The following ROBO1 variants were observed in gnomAD, a reference collection of about 807,000 sequenced individuals.
ROBO1 encodes the protein roundabout homolog 1.
In ROBO1, 149 loss-of-function variants were observed where a neutral mutation model predicts 195.9. The ratio of observed to expected loss-of-function variants is 0.76; its 90% CI spans 0.67 to 0.87. The LOEUF (loss-of-function observed/expected upper bound fraction) is 0.87, where lower values mean the gene tolerates loss of function less well. Ranked by LOEUF, ROBO1 falls within the 40% of genes least tolerant of loss-of-function variation. The pLI is 0.00. For synonymous variants in ROBO1, 816 were observed against 733.2 expected (o/e 1.11, Z -1.82); for missense variants, 1,933 against 2,068.3 (o/e 0.93, Z 1.27).
chr3:78,697,356 TA>T (rs1431891662), intron 8 of ROBO1, among the ~76,000 whole-genome samples: 4 of 152,280 alleles, frequency 2.6e-5, no homozygotes, highest in African/African-American at 9.6e-5. Flanking sequence ...AGAAAGATGA[TA>T]AATGTTTGGA....
At chr3:78,618,713 TTCTA>T (rs1186432526) in intron 26 of ROBO1, among the ~76,000 whole-genome samples, 4 of 152,236 alleles carry the variant, frequency 2.6e-5, no homozygotes, top group African/African-American at 7.2e-5. Context: ...TTTATTGTTA[TTCTA>T]TCTTTTTTAA....
intron 3 of ROBO1, chr3:79,019,058 CG>C: frequency 2.0e-6 from 2 of 989,300 alleles, no homozygotes; most frequent in Non-Finnish European, 2.4e-6. Flanking sequence ...AGCGAGGGGG[CG>C]GTGCGGCGAC....
chr3:79,220,337 A>T (rs2082116096), intron 2 of ROBO1, among the ~76,000 whole-genome samples: 1 of 152,010 alleles, frequency 6.6e-6, no homozygotes, highest in African/African-American at 2.4e-5. Context: ...CTCTGTCTCT[A>T]ATTTTCTTAG....
At chr3:79,484,904 C>G (rs376911870) in intron 2 of ROBO1, among the ~76,000 whole-genome samples, 1 of 151,710 alleles carries the variant, frequency 6.6e-6, no homozygotes, top group Non-Finnish European at 1.5e-5. Context: ...CAGGCGTGCA[C>G]CACCATGCCT....
chr3:79,149,665 C>G (rs2080725959), intron 2 of ROBO1, among the ~76,000 whole-genome samples: 1 of 151,696 alleles, frequency 6.6e-6, no homozygotes, highest in Admixed American at 6.6e-5. Flanking sequence ...GCATTCTATA[C>G]TCCTATAATT....
intron 2 of ROBO1, among the ~76,000 whole-genome samples, chr3:79,224,555 C>T (rs1439999401): frequency 6.6e-6 from 1 of 152,160 alleles, no homozygotes; most frequent in Non-Finnish European, 1.5e-5. Flanking sequence ...AATAAAGAGC[C>T]CACTTTACAA....
chr3:79,145,358 AATACACACACAC>A (rs141131515), intron 2 of ROBO1, among the ~76,000 whole-genome samples: 93,530 of 145,042 alleles, frequency 0.64, 29,347 homozygotes, highest in East Asian at 0.72. Context: ...TGATGCCAGA[AATACACACACAC>A]ATACACACAC....
chr3:79,728,212 C>G (rs969062047), intron 1 of ROBO1, among the ~76,000 whole-genome samples: 13 of 151,768 alleles, frequency 8.6e-5, no homozygotes, highest in African/African-American at 3.1e-4. Context: ...GTTCCTAGTA[C>G]TCCACTCTCT....
At chr3:79,230,120 C>A (rs2082294098) in intron 2 of ROBO1, among the ~76,000 whole-genome samples, 1 of 152,076 alleles carries the variant, frequency 6.6e-6, no homozygotes, top group Admixed American at 6.6e-5. Context: ...CCCCTCCAAT[C>A]CTCTGCACCT....
intron 11 of ROBO1, among the ~76,000 whole-genome samples, chr3:78,669,238 A>G (rs1299632830): frequency 2.0e-5 from 3 of 152,242 alleles, no homozygotes; most frequent in Non-Finnish European, 4.4e-5. Flanking sequence ...GCTCAAGCTA[A>G]TAACTATCTT....
At chr3:79,685,916 CA>C (rs536444915) in intron 1 of ROBO1, among the ~76,000 whole-genome samples, 1 of 151,966 alleles carries the variant, frequency 6.6e-6, no homozygotes, top group Non-Finnish European at 1.5e-5. Context: ...GAGACAACAA[CA>C]AAAAAAGAGA....
At chr3:79,094,422 G>A (rs773506629) in intron 3 of ROBO1, among the ~76,000 whole-genome samples, 5 of 152,084 alleles carry the variant, frequency 3.3e-5, no homozygotes, top group Non-Finnish European at 7.4e-5. Flanking sequence ...CAAATCATAA[G>A]TACTGCATGG....
chr3:79,025,061 T>C lies in ROBO1; in HGVS notation c.173-86134A>G, dbSNP rs141080817. On this transcript the variant is annotated intron_variant, in intron 3 of 30. Transcript: ENST00000464233. ...CTAACATGAGCTAGTCCCTCATACTTTCCTGACATCATCTCCCCCTACATT... is the reference window on the plus strand; with the variant it reads ...CTAACATGAGCTAGTCCCTCATACTCTCCTGACATCATCTCCCCCTACATT... Among the ~76,000 whole-genome samples the C allele has an allele frequency of 1.8e-4, 27 of 152,278 alleles. No individual in the cohort carries two copies. The East Asian group carries it at 3.9e-3, about 22-fold the overall frequency.
At chr3:79,760,241 A>AAAAAAAAC (rs1704619230) in intron 1 of ROBO1, among the ~76,000 whole-genome samples, 1 of 136,630 alleles carries the variant, frequency 7.3e-6, no homozygotes, top group South Asian at 2.5e-4. Context: ...TATCTCAAAA[A>AAAAAAAAC]AAAAAAAAAA....
intron 8 of ROBO1, among the ~76,000 whole-genome samples, chr3:78,700,929 A>G (rs753478579): frequency 2.0e-4 from 30 of 152,040 alleles, no homozygotes; most frequent in Non-Finnish European, 3.4e-4. Flanking sequence ...ACATCTGTCT[A>G]ATTTTTGTAC....
chr3:79,054,916 A>C (rs1036614223), intron 3 of ROBO1, among the ~76,000 whole-genome samples: 1 of 152,088 alleles, frequency 6.6e-6, no homozygotes, highest in Non-Finnish European at 1.5e-5. Flanking sequence ...AGCACAAACA[A>C]ATTTATCTAC....
At chr3:79,723,015 A>C (rs1702769310) in intron 1 of ROBO1, among the ~76,000 whole-genome samples, 2 of 152,204 alleles carry the variant, frequency 1.3e-5, no homozygotes, top group African/African-American at 2.4e-5. Context: ...CCAATATGCT[A>C]AATAGATAAT....
chr3:79,195,606 T>A lies in ROBO1; in HGVS notation c.89-70067A>T, dbSNP rs563368018. Among the ~76,000 whole-genome samples the A allele has an allele frequency of 3.3e-5, 5 of 151,692 alleles. No individual in the cohort carries two copies. The South Asian group carries it at 1.0e-3, about 31-fold the overall frequency. On this transcript the variant is annotated intron_variant, in intron 2 of 30. Coordinates refer to ENST00000464233, the MANE Select transcript of ROBO1 (RefSeq NM_002941.4). Reference sequence around the variant, plus strand: ...CTTGTATAATGAAAAATATTTTCAATAAGCTATATCTGGAAACCAAAGACA... The same window carrying A: ...CTTGTATAATGAAAAATATTTTCAAAAAGCTATATCTGGAAACCAAAGACA...
intron 1 of ROBO1, among the ~76,000 whole-genome samples, chr3:79,665,296 TTG>T (rs1946443858): frequency 6.6e-6 from 1 of 151,942 alleles, no homozygotes; most frequent in Non-Finnish European, 1.5e-5. Flanking sequence ...TACTTAATAC[TTG>T]GTTTTGATAT....
Sources: allele counts gnomAD v4.1 joint callset (sites outside exome capture counted in the v4.1 genomes callset), GRCh38; gene constraint gnomAD v4.1.1; transcripts MANE v1.5; gene names NCBI Gene and HGNC (gene_info 2026-07-23, HGNC 2026-07-21).